The following DSP variants were observed in gnomAD, a reference collection of about 807,000 sequenced individuals.
DSP encodes 250/210 kDa paraneoplastic pemphigus antigen.
In DSP, 114 loss-of-function variants were observed where a neutral mutation model predicts 290.6. The observed-to-expected ratio is 0.39, with a 90% CI of 0.34 to 0.46. DSP has a LOEUF of 0.46. DSP is among the 20% of genes least tolerant of loss of function. The pLI, the probability that DSP is intolerant of heterozygous loss-of-function variation, is 0.99. For synonymous variants in DSP, 1,311 were observed against 1,316.4 expected (o/e 1.00, Z 0.09); for missense variants, 3,230 against 3,495.8 (o/e 0.92, Z 1.92).
At position 7,559,263 on chromosome 6, in the gene DSP, A is replaced by G. The variant is rs1758602038; in HGVS notation, c.460A>G (p.Lys154Glu). The G allele has an allele frequency of 6.2e-7, 1 of 1,613,902 alleles. No homozygotes were observed. The highest frequency in any genetic ancestry group is 8.5e-7 in the Non-Finnish European group (1 of 1,180,038). The change falls in exon 4 of 24, where the codon AAA (lysine) becomes GAA (glutamate). Residue 154 changes from lysine to glutamate, a missense_variant. By Grantham distance (56) the Lys-to-Glu change is moderately conservative. Coordinates refer to ENST00000379802, the MANE Select transcript of DSP (RefSeq NM_004415.4). ...QLQEQMRALY[K>E]AISVPRVRRA... ...CCAAGAGCAAATGCGAGCCCTTTAT[A>G]AAGCCATCAGTGTCCCTCGAGTCCG... is the stretch of plus-strand genomic sequence containing the variant.
chr6:7,563,955 CT>C (rs1199903713), intron 6 of DSP, among the ~76,000 whole-genome samples, 169 bp downstream of exon 6: 38 of 152,090 alleles, frequency 2.5e-4, no homozygotes, highest in Non-Finnish European at 1.2e-4. Context: ...GTTTTCTTTT[CT>C]TTTTTTCTTT....
In DSP at chr6:7,580,197, AG is replaced by A. The variant is rs794727381; in HGVS notation, c.4009del (p.Glu1337ArgfsTer12). On this transcript the variant is annotated frameshift_variant, in exon 23 of 24. Transcript: ENST00000379802. LOFTEE classifies it high-confidence loss of function. This position sits in a 1 kb window ranked among gnomAD's most constrained non-coding sequence, Gnocchi z 4.2. ...GAGAGACTCAAAGCTGAGTTTCAGG[AG>A]GAGGCCAAGCGCCGCTGGGAATATG... Reference protein sequence around the residue: ...EIERLKAEFQEEAKRRWEYEN... With the variant: ...EIERLKAEFQXEAKRRWEYEN... The A allele has an allele frequency of 3.7e-6, 6 of 1,614,104 alleles. No homozygotes were observed. The Admixed American group carries it at 8.3e-5, about 22-fold the overall frequency.
At chr6:7,555,896 G>A (rs1465359144) in intron 2 of DSP, 76 bp downstream of exon 2, 1 of 1,366,048 alleles carries the variant, frequency 7.3e-7, no homozygotes, top group Non-Finnish European at 1.0e-6. Flanking sequence ...GCTTCTGCTG[G>A]CCGGGGCCTA....
chr6:7,561,396 C>T (rs1410954153), intron 4 of DSP, among the ~76,000 whole-genome samples: 1 of 152,174 alleles, frequency 6.6e-6, no homozygotes, highest in Non-Finnish European at 1.5e-5. Flanking sequence ...CTCCTTTCCT[C>T]TTATCGCTTG....
chr6:7,564,902 TG>T (rs1164337433), intron 6 of DSP, among the ~76,000 whole-genome samples: 1 of 152,132 alleles, frequency 6.6e-6, no homozygotes, highest in Admixed American at 6.5e-5. Flanking sequence ...TCCAGCACTT[TG>T]GGGGGCCGAG....
rs1171787766 is a variant in DSP, at chr6:7,584,045, AG to A, written c.6785del (p.Gly2262AlafsTer17). 6.2e-7 allele frequency: 1 copy of A among 1,614,210 alleles called. No homozygotes were observed. ...DFLQGSSCIA[G>X]IYNETTKQKL... is the part of the protein sequence containing the mutation. ...TCCTCCAGGGTTCAAGCTGCATAGC[AG>A]GCATATACAATGAGACCACAAAACA... On this transcript the variant is annotated frameshift_variant, in exon 24 of 24. Coordinates refer to ENST00000379802, the MANE Select transcript of DSP (RefSeq NM_004415.4). LOFTEE classifies it high-confidence loss of function. The surrounding 1 kb of genome is among the most constrained non-coding windows in gnomAD (Gnocchi z 6.4).
intron 3 of DSP, among the ~76,000 whole-genome samples, chr6:7,558,659 ATG>A (rs1007561404): frequency 6.6e-6 from 1 of 151,930 alleles, no homozygotes; most frequent in Admixed American, 6.6e-5. Flanking sequence ...GGCTATCGGC[ATG>A]TGCCATACCT....
rs202084959 is a variant in DSP, at chr6:7,581,163, C to A, written c.4973C>A (p.Ser1658Tyr). The A allele has an allele frequency of 6.2e-7, 1 of 1,614,084 alleles. No homozygotes were observed. Residue 1658 changes from serine (S) to tyrosine (Y), a missense_variant, in exon 23 of 24, where the codon TCT becomes TAT. Ser to Tyr is a moderately radical substitution (Grantham distance 144). Around this residue, in one of 5 missense-constraint regions of DSP, gnomAD observed 1,714 missense variants for 1,844.5 expected, o/e 0.93. Coordinates refer to ENST00000379802, the MANE Select transcript of DSP (RefSeq NM_004415.4). ...ACCCAGGAAGAGCTGAGGAGGCTCT[C>A]TTCTGAGGTCGAGGCCCTGAGGCGG... ...QRTQEELRRLSSEVEALRRQL... is the reference protein window; with the variant it reads ...QRTQEELRRLYSEVEALRRQL...
At chr6:7,547,964 GAC>G (rs1366768782) in intron 1 of DSP, among the ~76,000 whole-genome samples, 1 of 152,044 alleles carries the variant, frequency 6.6e-6, no homozygotes, top group Non-Finnish European at 1.5e-5. Flanking sequence ...CTGGGGCAAA[GAC>G]AAAACACAAA....
chr6:7,555,315 CTCA>C (rs1758474771), intron 1 of DSP, among the ~76,000 whole-genome samples: 1 of 152,100 alleles, frequency 6.6e-6, no homozygotes, highest in Non-Finnish European at 1.5e-5. Context: ...TTTTCTGCTT[CTCA>C]TCATTGTATT....
Position 7,578,568 on chromosome 6 carries a change from T to G in DSP, c.3084+6T>G. 6.2e-7 allele frequency: 1 copy of G among 1,605,324 alleles called. No homozygotes were observed. The highest frequency in any genetic ancestry group is 1.1e-5 in the South Asian group (1 of 90,836). ...AGAGTTTGGAAGATCTGAAGGTAAT[T>G]TATACTGTCTTTTCTTGTAGCGTCA... On this transcript the variant is annotated splice_donor_region_variant and intron_variant, in intron 22 of 23. Coordinates refer to ENST00000379802, the MANE Select transcript of DSP (RefSeq NM_004415.4).
Position 7,544,568 on chromosome 6 carries a change from C to G in DSP, c.170+2483C>G, listed in dbSNP as rs1052185687. 2.1e-4 allele frequency among the ~76,000 whole-genome samples: 32 copies of G among 150,750 alleles called. 2 individuals carry two copies. The highest frequency in any genetic ancestry group is 7.6e-4 in the African/African-American group (31 of 40,914). ...AACTCATTTATTTCAAAAACTGCTA[C>G]TTTATGGCTGAATTATTAATAGATT... On this transcript the variant is annotated intron_variant, in intron 1 of 23. Coordinates refer to ENST00000379802, the MANE Select transcript of DSP (RefSeq NM_004415.4).
intron 21 of DSP, 92 bp downstream of exon 21, chr6:7,577,978 C>T (rs1581813706): frequency 9.7e-7 from 1 of 1,027,324 alleles, no homozygotes; most frequent in East Asian, 2.5e-5. Flanking sequence ...TTCCCTGTCT[C>T]CTGCCTGTCT....
Position 7,585,368 on chromosome 6 carries a change from G to A in DSP, c.8106G>A (p.Lys2702=). 2 of 1,614,072 alleles carry A rather than the reference G, an allele frequency of 1.2e-6. No individual in the cohort carries two copies. The highest frequency in any genetic ancestry group is 2.2e-5 in the East Asian group (1 of 44,862). The change falls in exon 24 of 24, where the codon AAG becomes AAA. Residue 2702 remains lysine, a synonymous_variant. Transcript: ENST00000379802. ...CCTTCATAGGCTTCGAGGGTGTGAA[G>A]GGAAAGAAGAAGATGTCAGCAGCAG... ...QKAFIGFEGV[K]GKKKMSAAEA...
Position 7,585,315 on chromosome 6 carries a change from G to C in DSP, c.8053G>C (p.Ala2685Pro). The change falls in exon 24 of 24, where the codon GCC becomes CCC. Residue 2685 changes from alanine to proline, a missense_variant. Ala to Pro is a conservative substitution (Grantham distance 27, BLOSUM62 -1). This residue lies in a region of DSP where 582 missense variants were observed against 555.4 expected (regional missense o/e 1.05). Coordinates refer to ENST00000379802, the MANE Select transcript of DSP (RefSeq NM_004415.4). ...CCAGGGTGTGATTGACCAAGACATG[G>C]CCACCAGGCTGAAGCCTGCTCAGAA... The part of the protein sequence containing the change: ...VSQGVIDQDM[A>P]TRLKPAQKAF... The C allele has an allele frequency of 1.2e-6, 2 of 1,614,156 alleles. No individual in the cohort carries two copies. The highest frequency in any genetic ancestry group is 1.7e-6 in the Non-Finnish European group (2 of 1,180,042).
At position 7,543,032 on chromosome 6, in the gene DSP, C is replaced by T. The variant is rs536086603; in HGVS notation, c.170+947C>T. Among the ~76,000 whole-genome samples, 591 of 152,150 alleles carry T rather than the reference C, an allele frequency of 3.9e-3. 6 individuals carry two copies. The highest frequency in any genetic ancestry group is 0.013 in the African/African-American group (539 of 41,512). On this transcript the variant is annotated intron_variant, in intron 1 of 23. Coordinates refer to ENST00000379802, the MANE Select transcript of DSP (RefSeq NM_004415.4). ...TGAGAGGGTCAGCTTCTCCGGATCC[C>T]AGCGGAAACAGACCGAGGGCGTCAT...
intron 20 of DSP, among the ~76,000 whole-genome samples, chr6:7,577,373 G>A (rs1019317945): frequency 5.3e-5 from 8 of 152,182 alleles, no homozygotes; most frequent in Non-Finnish European, 7.3e-5. Context: ...TTGCTGCCCA[G>A]GCTGGAGTGC....
intron 7 of DSP, among the ~76,000 whole-genome samples, chr6:7,566,140 A>T (rs547251073): frequency 6.6e-6 from 1 of 152,224 alleles, no homozygotes; most frequent in East Asian, 1.9e-4. Flanking sequence ...CTCAGGATGG[A>T]TGTAGCTCTT....
In DSP at chr6:7,583,603, A is replaced by G. The variant is rs1759527557; in HGVS notation, c.6341A>G (p.Asn2114Ser). 1 of 1,614,046 alleles carries G rather than the reference A, an allele frequency of 6.2e-7. No individual in the cohort carries two copies. The highest frequency in any genetic ancestry group is 8.5e-7 in the Non-Finnish European group (1 of 1,180,028). The change falls in exon 24 of 24, where the codon AAT (asparagine) becomes AGT (serine). Residue 2114 changes from asparagine (N) to serine (S), a missense_variant. Transcript: ENST00000379802. This position sits in a 1 kb window ranked among gnomAD's most constrained non-coding sequence, Gnocchi z 4.0. ...TVSVSEAIKK[N>S]LIDRETGMRL... ...TCTGTTTCAGAAGCCATCAAGAAAAATTTGATTGATAGAGAAACCGGAATG... is the reference window on the plus strand; with the variant it reads ...TCTGTTTCAGAAGCCATCAAGAAAAGTTTGATTGATAGAGAAACCGGAATG...
Sources: allele counts gnomAD v4.1 joint callset (sites outside exome capture counted in the v4.1 genomes callset), GRCh38; gene constraint gnomAD v4.1.1; regional missense constraint gnomAD v4.1.1; non-coding constraint Gnocchi (gnomAD v3.1); transcripts MANE v1.5; gene names NCBI Gene and HGNC (gene_info 2026-07-23, HGNC 2026-07-21).